PTPN18: variants seen among roughly 807,000 people sequenced by gnomAD.
The protein encoded by PTPN18 is protein tyrosine phosphatase non-receptor type 18.
A neutral mutation model predicts 65.4 loss-of-function variants in PTPN18; 65 were observed. The ratio of observed to expected loss-of-function variants is 0.99; its 90% CI spans 0.81 to 1.22. PTPN18 has a LOEUF of 1.22. Among genes scored for constraint, PTPN18 ranks in the 50% most tolerant of loss-of-function variants. PTPN18 has a pLI of 0.00. For synonymous variants in PTPN18, 255 were observed against 267.8 expected (o/e 0.95, Z 0.47); for missense variants, 616 against 646.5 (o/e 0.95, Z 0.51).
intron 5 of PTPN18, among the ~76,000 whole-genome samples, chr2:130,361,712 C>G (rs140359981): frequency 0.021 from 3,186 of 152,002 alleles, 38 homozygotes; most frequent in Middle Eastern, 0.058. Flanking sequence ...CTCAGCCTCT[C>G]GAGTAGCTGG....
intron 5 of PTPN18, chr2:130,362,167 C>T (rs1474916389): frequency 4.3e-6 from 2 of 469,868 alleles, no homozygotes; most frequent in South Asian, 1.5e-5. Flanking sequence ...GATTAAGTCT[C>T]ACGTATAATC....
intron 5 of PTPN18, among the ~76,000 whole-genome samples, chr2:130,363,421 T>C (rs1171054774): frequency 1.3e-5 from 2 of 151,900 alleles, no homozygotes; most frequent in Non-Finnish European, 2.9e-5. Flanking sequence ...CACTGCAGCC[T>C]GGCCACAGAG....
At chr2:130,367,947 TTTTCA>T (rs1680438702) in intron 5 of PTPN18, among the ~76,000 whole-genome samples, 1 of 152,198 alleles carries the variant, frequency 6.6e-6, no homozygotes, top group South Asian at 2.1e-4. Context: ...TTTTTCATTT[TTTTCA>T]TTTCATTTTG....
Position 130,373,407 on chromosome 2 carries a change from G to T in PTPN18, c.*183G>T. On this transcript the variant is annotated 3_prime_UTR_variant, in exon 15 of 15. Transcript: ENST00000175756. This position sits in a 1 kb window ranked among gnomAD's most constrained non-coding sequence, Gnocchi z 4.1. The stretch of plus-strand genomic sequence containing the variant: ...CATTCAAGGCTTGAGGCTGGAGGAG[G>T]TAGCTAGGGTATAGTGGCTGGTGAG... 3.3e-6 allele frequency: 2 copies of T among 613,494 alleles called. No homozygotes were observed. The highest frequency in any genetic ancestry group is 5.5e-6 in the Non-Finnish European group (2 of 366,144). 38.0% of individuals were successfully genotyped at this position (613,494 alleles called of 1,614,324 possible). A position where few individuals can be genotyped will look rare whatever the true frequency, so the allele number is the denominator to read the frequency against.
rs910306408 is a variant in PTPN18 at position 130,373,475 on chromosome 2, T to G, written c.*251T>G. The G allele has an allele frequency of 1.2e-5, 5 of 407,496 alleles. No homozygotes were observed. The Admixed American group carries it at 2.1e-4, about 17-fold the overall frequency. The allele number at this position is 407,496 out of a possible 1,614,324, so 25.2% of individuals were successfully genotyped here. On this transcript the variant is annotated 3_prime_UTR_variant, in exon 15 of 15. Transcript: ENST00000175756. This position sits in a 1 kb window ranked among gnomAD's most constrained non-coding sequence, Gnocchi z 4.1. ...CAAGAAAGAAGATCAGGAAGGGGCA[T>G]GACCCCTGAGTTATGAAGGGGAGAA...
chr2:130,372,706 TGGCCGCGCCCAAAGGCTGGA>T (rs1325876272), intron 13 of PTPN18, 147 bp from the exon 14 acceptor site: 34 of 986,648 alleles, frequency 3.4e-5, no homozygotes, highest in Non-Finnish European at 4.8e-5. Flanking sequence ...ATACTTGTCT[TGGCCGCGCCCAAAGGCTGGA>T]GGCCACGTCC....
At chr2:130,362,631 TA>T (rs1286512490) in intron 5 of PTPN18, among the ~76,000 whole-genome samples, 1 of 152,206 alleles carries the variant, frequency 6.6e-6, no homozygotes, top group Non-Finnish European at 1.5e-5. Flanking sequence ...TGCTTTGTGC[TA>T]TTGTTACTAT....
chr2:130,357,728 C>A (rs1161298775), intron 1 of PTPN18, among the ~76,000 whole-genome samples: 1 of 151,966 alleles, frequency 6.6e-6, no homozygotes, highest in South Asian at 2.1e-4. Flanking sequence ...TGGTGGCGGG[C>A]GCCTGTAGTC....
intron 5 of PTPN18, among the ~76,000 whole-genome samples, chr2:130,363,979 G>C (rs1365097104): frequency 6.6e-6 from 1 of 151,376 alleles, no homozygotes; most frequent in African/African-American, 2.4e-5. Flanking sequence ...CATCCTAGGG[G>C]TTGTGAAGTG....
intron 5 of PTPN18, chr2:130,362,326 C>G (rs1680242182): frequency 3.2e-6 from 1 of 315,208 alleles, no homozygotes; most frequent in South Asian, 2.3e-5. Flanking sequence ...AATATTCAGC[C>G]TTTAATGTAA....
At position 130,374,456 on chromosome 2, in the gene PTPN18, C is replaced by T; in HGVS notation, c.*1232C>T. On this transcript the variant is annotated 3_prime_UTR_variant, in exon 15 of 15. Transcript: ENST00000175756. ...GTGCTGAGATTACAGGTGTGAGCCA[C>T]CAGGCTCAGCCCCCTAAGATTTGAA... 2.8e-6 allele frequency: 1 copy of T among 352,668 alleles called. No individual in the cohort carries two copies. The highest frequency in any genetic ancestry group is 5.7e-6 in the Non-Finnish European group (1 of 175,004). The allele number at this position is 352,668 out of a possible 1,614,324, so 21.8% of individuals were successfully genotyped here.
Position 130,362,981 on chromosome 2 carries a change from G to A in PTPN18, c.414+3335G>A, listed in dbSNP as rs1056320456. Among the ~76,000 whole-genome samples the A allele has an allele frequency of 2.6e-5, 4 of 151,606 alleles. No individual in the cohort carries two copies. In the South Asian group the frequency reaches 6.3e-4, roughly 24 times the overall value. On this transcript the variant is annotated intron_variant, in intron 5 of 14. Transcript: ENST00000175756. Reference sequence around the variant, plus strand: ...ACTACAGGCGCCTGCCACCACGCCCGGCTAATTTTTTGTATTTTTAGTAGA... The same window carrying A: ...ACTACAGGCGCCTGCCACCACGCCCAGCTAATTTTTTGTATTTTTAGTAGA...
chr2:130,371,410 A>AT (rs1457663092), intron 12 of PTPN18, 123 bp downstream of exon 12: 1 of 855,038 alleles, frequency 1.2e-6, no homozygotes, highest in Non-Finnish European at 1.8e-6. Flanking sequence ...CTTTCTTCGA[A>AT]TTGAGCTCTG....
In PTPN18 at chr2:130,356,209, C is replaced by T; in HGVS notation, c.93+9C>T. On this transcript the variant is annotated intron_variant, in intron 1 of 14. Transcript: ENST00000175756. ...TCGCCGGCGAGTTCAGCGTGAGTGG[C>T]ACACGGGGTCCGCGAGCGGCGCGCC... 1 of 1,321,954 alleles carries T rather than the reference C, an allele frequency of 7.6e-7. No homozygotes were observed. Among genetic ancestry groups the T allele is most frequent in the Non-Finnish European group, 9.6e-7 (1 of 1,038,238 alleles). The allele number at this position is 1,321,954 out of a possible 1,614,324, so 81.9% of individuals were successfully genotyped here.
intron 5 of PTPN18, among the ~76,000 whole-genome samples, chr2:130,365,394 A>C (rs978171751): frequency 1.3e-5 from 2 of 152,216 alleles, no homozygotes; most frequent in Non-Finnish European, 2.9e-5. Context: ...TTCTCTGGCC[A>C]AATGTCTATT....
chr2:130,373,180 C>T lies in PTPN18; in HGVS notation c.1339C>T (p.Pro447Ser). ...GLGFNLRIGRPKGPRDPPAEW... is the reference protein window; with the variant it reads ...GLGFNLRIGRSKGPRDPPAEW... ...AGGTTTCAACCTGCGCATTGGGAGG[C>T]CGAAGGGTCCCCGGGACCCGCCTGC... Residue 447 changes from proline to serine, a missense_variant, in exon 15 of 15, where the codon CCG (proline) becomes TCG (serine). Pro to Ser is a moderately conservative substitution (Grantham distance 74). This residue lies in a region of PTPN18 where 368 missense variants were observed against 386.7 expected (regional missense o/e 0.95). Coordinates refer to ENST00000175756, the MANE Select transcript of PTPN18 (RefSeq NM_014369.4). The surrounding 1 kb of genome is among the most constrained non-coding windows in gnomAD (Gnocchi z 4.1). 6.2e-7 allele frequency: 1 copy of T among 1,601,188 alleles called. No homozygotes were observed. The highest frequency in any genetic ancestry group is 8.5e-7 in the Non-Finnish European group (1 of 1,173,628).
chr2:130,369,172 C>T lies in PTPN18; in HGVS notation c.454C>T (p.Leu152=), dbSNP rs1558845965. The T allele has an allele frequency of 6.2e-7, 1 of 1,613,568 alleles. No individual in the cohort carries two copies. The highest frequency in any genetic ancestry group is 1.1e-5 in the South Asian group (1 of 91,026). ...GTACTGGGCCCAGGAGCAGGAGCCACTGCAGACTGGGCTTTTCTGCATCAC... is the reference window on the plus strand; with the variant it reads ...GTACTGGGCCCAGGAGCAGGAGCCATTGCAGACTGGGCTTTTCTGCATCAC... ...ERYWAQEQEP[L]QTGLFCITLI... The change falls in exon 6 of 15, where the codon CTG becomes TTG. Residue 152 remains leucine (L), a synonymous_variant. Coordinates refer to ENST00000175756, the MANE Select transcript of PTPN18 (RefSeq NM_014369.4).
intron 5 of PTPN18, among the ~76,000 whole-genome samples, chr2:130,367,977 CTA>C (rs1680440297): frequency 6.6e-6 from 1 of 151,894 alleles, no homozygotes; most frequent in Admixed American, 6.6e-5. Flanking sequence ...ATTTATATTG[CTA>C]TGTTTTCATG....
At position 130,372,923 on chromosome 2, in the gene PTPN18, G is replaced by T; in HGVS notation, c.1291G>T (p.Gly431Cys). 1 of 1,614,190 alleles carries T rather than the reference G, an allele frequency of 6.2e-7. No individual in the cohort carries two copies. The highest frequency in any genetic ancestry group is 1.1e-5 in the South Asian group (1 of 91,088). The part of the protein sequence containing the change: ...AGSGAYEDVA[G>C]GAQTGGLGFN... The stretch of plus-strand genomic sequence containing the variant: ...ATCTGGCGCCTACGAGGACGTGGCG[G>T]GTGGAGCTCAGACCGGTGGGCTAGG... Residue 431 changes from glycine to cysteine, a missense_variant, in exon 14 of 15, where the codon GGT becomes TGT. Transcript: ENST00000175756.
Sources: gnomAD v4.1 joint callset for allele counts (sites outside exome capture counted in the v4.1 genomes callset) on GRCh38, gnomAD v4.1.1 for gene constraint, gnomAD v4.1.1 regional missense constraint, Gnocchi (gnomAD v3.1) non-coding constraint, MANE v1.5 for transcripts, NCBI Gene and HGNC (gene_info 2026-07-23, HGNC 2026-07-21) for gene names.